The following SPIRE1 variants were observed in gnomAD, a reference collection of about 807,000 sequenced individuals.
The protein encoded by SPIRE1 is spire type actin nucleation factor 1, also known as protein spire homolog 1.
In SPIRE1, 40 loss-of-function variants were observed where a neutral mutation model predicts 94.1. The ratio of observed to expected loss-of-function variants is 0.43; its 90% CI spans 0.33 to 0.55. The LOEUF (loss-of-function observed/expected upper bound fraction) is 0.55. Ranked by LOEUF, SPIRE1 falls within the 20% of genes least tolerant of loss-of-function variation. The pLI is 0.06. For missense variants in SPIRE1, 838 were observed against 975.2 expected (o/e 0.86, Z 1.87); for synonymous variants, 376 against 371.7 (o/e 1.01, Z -0.13).
intron 2 of SPIRE1, among the ~76,000 whole-genome samples, chr18:12,547,803 G>A (rs1416112573): frequency 6.6e-6 from 1 of 152,186 alleles, no homozygotes; most frequent in Non-Finnish European, 1.5e-5. Context: ...TGAGCTGGGC[G>A]TGGTGGCGTG....
chr18:12,510,592 G>A (rs1220235809), intron 5 of SPIRE1, among the ~76,000 whole-genome samples: 2 of 151,622 alleles, frequency 1.3e-5, no homozygotes, highest in African/African-American at 2.4e-5. Context: ...GCCCAGGCTG[G>A]AGTGCAATGG....
chr18:12,513,270 C>T (rs183190967), intron 4 of SPIRE1, among the ~76,000 whole-genome samples: 51 of 152,184 alleles, frequency 3.4e-4, no homozygotes, highest in African/African-American at 1.2e-3. Flanking sequence ...ATCTTGGTTG[C>T]TAAAATATAT....
chr18:12,453,253 G>T, intron 13 of SPIRE1, 115 bp from the exon 14 acceptor site: 1 of 608,288 alleles, frequency 1.6e-6, no homozygotes, highest in South Asian at 2.5e-5. Context: ...GACAAGAGGA[G>T]GAAGACAATT....
chr18:12,521,443 C>T (rs879597304), intron 4 of SPIRE1, among the ~76,000 whole-genome samples: 1 of 151,956 alleles, frequency 6.6e-6, no homozygotes, highest in Non-Finnish European at 1.5e-5. Flanking sequence ...AAGGGATCCT[C>T]GTGCCTCAGC....
intron 5 of SPIRE1, among the ~76,000 whole-genome samples, chr18:12,511,075 T>C (rs764236792): frequency 1.3e-5 from 2 of 152,244 alleles, no homozygotes; most frequent in Admixed American, 1.3e-4. Flanking sequence ...GCTCATATTG[T>C]TTATTCTGCA....
At chr18:12,661,556 G>A (rs2038695367), upstream of SPIRE1, among the ~76,000 whole-genome samples, 1 of 152,126 alleles carries the variant, frequency 6.6e-6, no homozygotes, top group Non-Finnish European at 1.5e-5. Context: ...CAGATCGCTT[G>A]AGGCCATGAG....
At chr18:12,631,136 T>C (rs1200435025) in intron 2 of SPIRE1, among the ~76,000 whole-genome samples, 3 of 152,110 alleles carry the variant, frequency 2.0e-5, no homozygotes, top group Admixed American at 2.0e-4. Context: ...CTGCCATCTG[T>C]GCTCTCATAC....
At chr18:12,531,033 C>G (rs981584979) in intron 4 of SPIRE1, among the ~76,000 whole-genome samples, 3 of 152,128 alleles carry the variant, frequency 2.0e-5, no homozygotes, top group Non-Finnish European at 4.4e-5. Context: ...TTCTATGATA[C>G]TCTATCTTTT....
At chr18:12,635,001 A>G in intron 2 of SPIRE1, 61 bp downstream of exon 2, 1 of 900,550 alleles carries the variant, frequency 1.1e-6, no homozygotes. Flanking sequence ...TCAGTACTCA[A>G]GTTAGTCTAA....
chr18:12,471,104 A>T (rs1390773526), intron 10 of SPIRE1, among the ~76,000 whole-genome samples: 4 of 82,078 alleles, frequency 4.9e-5, no homozygotes, highest in South Asian at 5.7e-4. Flanking sequence ...ATCTTTCAGT[A>T]AAAAAAAAAA....
chr18:12,561,234 C>CT (rs2035674019), intron 2 of SPIRE1, among the ~76,000 whole-genome samples: 1 of 150,478 alleles, frequency 6.6e-6, no homozygotes. Context: ...TTAGGTTCTT[C>CT]TTTTTAAAAT....
At chr18:12,507,346 T>C (rs2033870071) in intron 5 of SPIRE1, among the ~76,000 whole-genome samples, 1 of 152,140 alleles carries the variant, frequency 6.6e-6, no homozygotes, top group African/African-American at 2.4e-5. Context: ...ATAAAGAAAG[T>C]GGTACTTTAT....
At chr18:12,523,715 T>A (rs2034426776) in intron 4 of SPIRE1, among the ~76,000 whole-genome samples, 1 of 152,176 alleles carries the variant, frequency 6.6e-6, no homozygotes, top group African/African-American at 2.4e-5. Context: ...ATAGTCTCAC[T>A]CAGTTGCCCA....
intron 10 of SPIRE1, among the ~76,000 whole-genome samples, chr18:12,467,659 T>C (rs2032172008): frequency 6.6e-6 from 1 of 152,084 alleles, no homozygotes; most frequent in Admixed American, 6.5e-5. Flanking sequence ...GCTAGAAATA[T>C]TTTTAAAGTC....
intron 2 of SPIRE1, among the ~76,000 whole-genome samples, chr18:12,627,401 T>A (rs2037661571): frequency 6.6e-6 from 1 of 152,230 alleles, no homozygotes; most frequent in Non-Finnish European, 1.5e-5. Flanking sequence ...TCATCCTTTT[T>A]TATGGCTGCA....
chr18:12,542,698 C>A (rs1225299509), intron 3 of SPIRE1, among the ~76,000 whole-genome samples: 2 of 152,196 alleles, frequency 1.3e-5, no homozygotes, highest in Non-Finnish European at 2.9e-5. Context: ...GCTTTAACCT[C>A]TTCCCAATGC....
chr18:12,535,647 G>GT (rs566959039), intron 3 of SPIRE1, 46 bp from the exon 4 acceptor site: 106 of 1,570,376 alleles, frequency 6.7e-5, no homozygotes, highest in Admixed American at 2.4e-4. Context: ...TACTATTTGG[G>GT]TTTTTTTTGT....
intron 4 of SPIRE1, among the ~76,000 whole-genome samples, chr18:12,532,048 G>A (rs1302876284): frequency 6.6e-6 from 1 of 152,188 alleles, no homozygotes; most frequent in Non-Finnish European, 1.5e-5. Context: ...AGGAGACACA[G>A]TAATGTGTAC....
intron 12 of SPIRE1, chr18:12,460,037 A>G (rs1480461265): frequency 2.4e-6 from 1 of 421,054 alleles, no homozygotes; most frequent in Non-Finnish European, 3.2e-6. Flanking sequence ...CAAAAGGAAA[A>G]CAAAACAAAA....
Sources: allele counts gnomAD v4.1 joint callset (sites outside exome capture counted in the v4.1 genomes callset), GRCh38; gene constraint gnomAD v4.1.1; transcripts MANE v1.5; gene names NCBI Gene and HGNC (gene_info 2026-07-23, HGNC 2026-07-21).